Variants in CNTNAP2 observed in about 807,000 individuals in gnomAD.
CNTNAP2 encodes the protein contactin associated protein 2, also known as contactin-associated protein-like 2.
CNTNAP2 carries 98 observed loss-of-function variants against 155.2 expected under a neutral mutation model. The observed-to-expected ratio is 0.63, with a 90% CI of 0.54 to 0.75. CNTNAP2 has a LOEUF of 0.75. Among genes scored for constraint, CNTNAP2 ranks in the 30% least tolerant of loss-of-function variants. The probability of loss-of-function intolerance (pLI) is 0.00; values close to 1 mark genes in which losing one functional copy is unlikely to be tolerated. For missense variants in CNTNAP2, 1,727 were observed against 1,688.1 expected (o/e 1.02, Z -0.40); for synonymous variants, 651 against 631.2 (o/e 1.03, Z -0.47).
At chr7:147,726,401 T>G (rs961754504) in intron 13 of CNTNAP2, among the ~76,000 whole-genome samples, 2 of 151,888 alleles carry the variant, frequency 1.3e-5, no homozygotes, top group Admixed American at 1.3e-4. Flanking sequence ...AGACGAGGGT[T>G]GGTAGGAGGA....
At chr7:147,951,755 A>G (rs2246605) in intron 14 of CNTNAP2, among the ~76,000 whole-genome samples, 1 of 150,536 alleles carries the variant, frequency 6.6e-6, no homozygotes, top group Non-Finnish European at 1.5e-5. Flanking sequence ...ACAACATACA[A>G]GGGGGGCCTG....
intron 2 of CNTNAP2, among the ~76,000 whole-genome samples, chr7:146,825,252 C>T (rs1767617690): frequency 6.6e-6 from 1 of 152,066 alleles, no homozygotes; most frequent in Admixed American, 6.6e-5. Context: ...TTTATCAAAA[C>T]AGATACGATA....
chr7:146,397,930 G>A (rs1264428874), intron 1 of CNTNAP2, among the ~76,000 whole-genome samples: 1 of 147,214 alleles, frequency 6.8e-6, no homozygotes, highest in Admixed American at 6.8e-5. Context: ...CTGGAGTGCA[G>A]TGGTGTGATC....
chr7:147,189,120 C>T (rs1268533401), intron 8 of CNTNAP2, among the ~76,000 whole-genome samples: 2 of 152,114 alleles, frequency 1.3e-5, no homozygotes, highest in Non-Finnish European at 2.9e-5. Flanking sequence ...TTTACTATTA[C>T]ATGTTATTTT....
intron 1 of CNTNAP2, among the ~76,000 whole-genome samples, chr7:146,664,072 A>G (rs1201889334): frequency 2.0e-5 from 3 of 151,320 alleles, no homozygotes; most frequent in Non-Finnish European, 2.9e-5. Flanking sequence ...ATTATAAGTG[A>G]CTATTGAATT....
At chr7:148,357,199 A>G (rs1798533644) in intron 21 of CNTNAP2, among the ~76,000 whole-genome samples, 1 of 152,120 alleles carries the variant, frequency 6.6e-6, no homozygotes, top group Non-Finnish European at 1.5e-5. Flanking sequence ...GTGATAGTAA[A>G]TGAGTCTCAT....
intron 1 of CNTNAP2, among the ~76,000 whole-genome samples, chr7:146,135,261 G>T (rs575426094): frequency 5.9e-5 from 9 of 151,906 alleles, no homozygotes; most frequent in African/African-American, 1.9e-4. Flanking sequence ...TTTATTTTGG[G>T]TATAAATAGA....
intron 2 of CNTNAP2, among the ~76,000 whole-genome samples, chr7:146,804,254 T>C (rs10239811): frequency 0.19 from 28,245 of 152,176 alleles, 8,280 homozygotes; most frequent in African/African-American, 0.62. Context: ...CCGACTGATA[T>C]TACCTTTAGA....
chr7:147,407,395 G>T (rs1277488527), intron 10 of CNTNAP2, among the ~76,000 whole-genome samples: 14 of 147,036 alleles, frequency 9.5e-5, no homozygotes, highest in Non-Finnish European at 1.5e-4. Flanking sequence ...GTGAACCCGG[G>T]AGGTGGAGGT....
At chr7:146,474,450 A>G (rs935534136) in intron 1 of CNTNAP2, among the ~76,000 whole-genome samples, 5 of 150,030 alleles carry the variant, frequency 3.3e-5, no homozygotes, top group African/African-American at 1.2e-4. Flanking sequence ...CCCTCCATAT[A>G]TTCCTTTATG....
At chr7:148,358,215 G>C (rs1335673665) in intron 21 of CNTNAP2, among the ~76,000 whole-genome samples, 1 of 152,188 alleles carries the variant, frequency 6.6e-6, no homozygotes, top group Non-Finnish European at 1.5e-5. Flanking sequence ...AGAGCACAAA[G>C]AGACTTGTTC....
At chr7:147,687,980 G>A (rs898765038) in intron 13 of CNTNAP2, among the ~76,000 whole-genome samples, 2 of 152,048 alleles carry the variant, frequency 1.3e-5, no homozygotes, top group Non-Finnish European at 2.9e-5. Context: ...TTCTTATGTT[G>A]GGAAATTTTA....
intron 13 of CNTNAP2, among the ~76,000 whole-genome samples, chr7:147,753,580 C>T (rs981238130): frequency 6.6e-6 from 1 of 151,980 alleles, no homozygotes; most frequent in African/African-American, 2.4e-5. Context: ...ACTTATGACA[C>T]AGAAATCGAA....
chr7:147,390,924 C>T (rs1796704354), intron 9 of CNTNAP2, among the ~76,000 whole-genome samples: 1 of 151,924 alleles, frequency 6.6e-6, no homozygotes, highest in Non-Finnish European at 1.5e-5. Flanking sequence ...CGAAGTACAC[C>T]CAACCTCCTC....
At chr7:148,402,740 C>T (rs1225480225) in intron 22 of CNTNAP2, among the ~76,000 whole-genome samples, 1 of 152,100 alleles carries the variant, frequency 6.6e-6, no homozygotes, top group African/African-American at 2.4e-5. Flanking sequence ...TTAATAGCAG[C>T]AGTTTTGTTG....
intron 21 of CNTNAP2, among the ~76,000 whole-genome samples, chr7:148,315,279 G>A (rs538703219): frequency 6.6e-6 from 1 of 152,282 alleles, no homozygotes; most frequent in South Asian, 2.1e-4. Context: ...TCACCTGGGT[G>A]CAGGCAGGCT....
At chr7:147,722,397 C>A (rs185941426) in intron 13 of CNTNAP2, among the ~76,000 whole-genome samples, 15 of 152,194 alleles carry the variant, frequency 9.9e-5, no homozygotes, top group Non-Finnish European at 1.8e-4. Context: ...GATGATAATT[C>A]CTTAAAAGGC....
At chr7:148,296,165 C>T (rs1399630637) in intron 21 of CNTNAP2, among the ~76,000 whole-genome samples, 1 of 152,116 alleles carries the variant, frequency 6.6e-6, no homozygotes, top group African/African-American at 2.4e-5. Flanking sequence ...GAAGCTTTCT[C>T]CAATTTTTGT....
chr7:146,510,071 G>A lies in CNTNAP2; in HGVS notation c.98-264200G>A, dbSNP rs189668869. On this transcript the variant is annotated intron_variant, in intron 1 of 23. Transcript: ENST00000361727. ...TGTCAAGTTCCAGTTCCCAGACTAA[G>A]CTGGGGTCTGAGGGGAGCTGGTGAA... 1.3e-4 allele frequency among the ~76,000 whole-genome samples: 20 copies of A among 152,234 alleles called. No individual in the cohort carries two copies. The East Asian group carries it at 3.5e-3, about 27-fold the overall frequency.
Sources: allele counts gnomAD v4.1 joint callset (sites outside exome capture counted in the v4.1 genomes callset), GRCh38; gene constraint gnomAD v4.1.1; transcripts MANE v1.5; gene names NCBI Gene and HGNC (gene_info 2026-07-23, HGNC 2026-07-21).